The following SLIT3 variants were observed in gnomAD, a reference collection of about 807,000 sequenced individuals.
The protein encoded by SLIT3 is slit homolog 3 protein.
Under a neutral mutation model 184.0 loss-of-function variants are expected in SLIT3, and 68 were observed. The observed-to-expected ratio is 0.37, with a 90% CI of 0.30 to 0.45. SLIT3 has a LOEUF of 0.45. Ranked by LOEUF, SLIT3 falls within the 20% of genes least tolerant of loss-of-function variation. SLIT3 has a pLI of 1.00. For missense variants in SLIT3, 1,707 were observed against 2,026.0 expected, an observed-to-expected ratio of 0.84 and a Z score of 3.02; for synonymous variants, 831 against 828.6, an observed-to-expected ratio of 1.00 and a Z score of -0.05.
At chr5:169,272,106 G>A (rs1203401955) in intron 1 of SLIT3, among the ~76,000 whole-genome samples, 2 of 152,232 alleles carry the variant, frequency 1.3e-5, no homozygotes, top group African/African-American at 2.4e-5. Flanking sequence ...GGGGGCTGGG[G>A]ATCTGACTTC....
chr5:168,801,489 C>T (rs961193919), intron 9 of SLIT3, among the ~76,000 whole-genome samples: 1 of 152,170 alleles, frequency 6.6e-6, no homozygotes, highest in African/African-American at 2.4e-5. Flanking sequence ...GACACGGAAG[C>T]CTGTCCATAG....
chr5:168,837,166 C>A (rs1382957149), intron 6 of SLIT3, among the ~76,000 whole-genome samples: 1 of 152,088 alleles, frequency 6.6e-6, no homozygotes, highest in Non-Finnish European at 1.5e-5. Context: ...CAGATGCTTT[C>A]TATAGAGTGC....
intron 5 of SLIT3, among the ~76,000 whole-genome samples, chr5:168,850,043 G>A (rs146145437): frequency 0.012 from 1,894 of 152,066 alleles, 19 homozygotes; most frequent in Non-Finnish European, 0.02. Context: ...AGAAGCATTT[G>A]TCTGCTGCTA....
intron 4 of SLIT3, among the ~76,000 whole-genome samples, chr5:169,177,035 C>T (rs934702862): frequency 2.0e-5 from 3 of 152,204 alleles, no homozygotes; most frequent in East Asian, 3.9e-4. Context: ...GTAATTACAT[C>T]GACTTCCACC....
chr5:168,891,130 G>A lies in SLIT3; in HGVS notation c.414-7794C>T, dbSNP rs113335789. ...TCCTATCTTCATGTTCTAGCATGAA[G>A]TTCACAAATATAGCATCCTACTACC... On this transcript the variant is annotated intron_variant, in intron 4 of 35. Coordinates refer to ENST00000519560, the MANE Select transcript of SLIT3 (RefSeq NM_003062.4). 6.1e-3 allele frequency among the ~76,000 whole-genome samples: 927 copies of A among 152,284 alleles called. 2 individuals are homozygous for A. Among genetic ancestry groups the A allele is most frequent in the Non-Finnish European group, 8.8e-3 (598 of 68,026 alleles).
chr5:168,987,298 C>G (rs181150771), intron 4 of SLIT3, among the ~76,000 whole-genome samples: 1 of 152,298 alleles, frequency 6.6e-6, no homozygotes, highest in Admixed American at 6.5e-5. Flanking sequence ...CCAAGTTAAT[C>G]TCTCCCACAT....
intron 6 of SLIT3, among the ~76,000 whole-genome samples, chr5:168,823,833 A>G (rs1757614069): frequency 6.6e-6 from 1 of 152,220 alleles, no homozygotes; most frequent in Non-Finnish European, 1.5e-5. Flanking sequence ...ATCTGAGTCC[A>G]GCACTACCTT....
At chr5:168,829,238 G>T (rs1757804390) in intron 6 of SLIT3, among the ~76,000 whole-genome samples, 1 of 152,216 alleles carries the variant, frequency 6.6e-6, no homozygotes, top group Non-Finnish European at 1.5e-5. Context: ...GGCTCTGGTT[G>T]TAATCTGCGT....
In SLIT3 at chr5:168,749,811, T is replaced by C. The variant is rs575642599; in HGVS notation, c.1974-176A>G. 9.2e-5 allele frequency among the ~76,000 whole-genome samples: 14 copies of C among 152,292 alleles called. No individual in the cohort carries two copies. The Middle Eastern group carries it at 0.01, about 111-fold the overall frequency. Reference sequence around the variant, plus strand: ...TCTCATTCCAGACCCTCGCCTCTGATGGATGTGGCTGTGGTGTCTCGCCAT... The same window carrying C: ...TCTCATTCCAGACCCTCGCCTCTGACGGATGTGGCTGTGGTGTCTCGCCAT... On this transcript the variant is annotated intron_variant, in intron 18 of 35. Coordinates refer to ENST00000519560, the MANE Select transcript of SLIT3 (RefSeq NM_003062.4).
At position 168,738,937 on chromosome 5, in the gene SLIT3, C is replaced by CAAAAAAAAAAAAA. The variant is rs34133933; in HGVS notation, c.2270+9352_2270+9364dup. Among the ~76,000 whole-genome samples the CAAAAAAAAAAAAA allele has an allele frequency of 5.9e-5, 5 of 84,308 alleles. 1 individual carries two copies. Among genetic ancestry groups the CAAAAAAAAAAAAA allele is most frequent in the African/African-American group, 1.5e-4 (3 of 20,088 alleles). 55.3% of individuals were successfully genotyped at this position (84,308 alleles called of 152,430 possible). A position where few individuals can be genotyped will look rare whatever the true frequency, so the allele number is the denominator to read the frequency against. On this transcript the variant is annotated intron_variant, in intron 20 of 35. Coordinates refer to ENST00000519560, the MANE Select transcript of SLIT3 (RefSeq NM_003062.4). ...TGGGTGAAAGAGCAAGACTCCATCT[C>CAAAAAAAAAAAAA]AAAAAAAAAAAAAAAAAAAAGCAGC...
intron 4 of SLIT3, among the ~76,000 whole-genome samples, chr5:168,941,721 T>C (rs969275794): frequency 2.0e-5 from 3 of 152,204 alleles, no homozygotes; most frequent in Non-Finnish European, 4.4e-5. Context: ...GGGTGCAGAA[T>C]CTGGAGTTGG....
chr5:169,020,980 TA>T (rs1756576237), intron 4 of SLIT3, among the ~76,000 whole-genome samples: 1 of 152,186 alleles, frequency 6.6e-6, no homozygotes, highest in Admixed American at 6.5e-5. Context: ...GTTAGAGTCC[TA>T]TAGAAGACTA....
At chr5:169,271,556 G>A (rs749921180) in intron 1 of SLIT3, among the ~76,000 whole-genome samples, 23 of 152,220 alleles carry the variant, frequency 1.5e-4, no homozygotes, top group Non-Finnish European at 2.6e-4. Flanking sequence ...CAGGAAGGAG[G>A]CAGGGGCTTT....
intron 7 of SLIT3, among the ~76,000 whole-genome samples, chr5:168,822,718 A>T (rs780621885): frequency 4.6e-5 from 7 of 152,188 alleles, no homozygotes; most frequent in Non-Finnish European, 1.0e-4. Flanking sequence ...AGTATGAGAA[A>T]GACGGCATTC....
chr5:168,677,719 G>T (rs530756844), intron 32 of SLIT3, among the ~76,000 whole-genome samples: 1 of 152,198 alleles, frequency 6.6e-6, no homozygotes, highest in Admixed American at 6.5e-5. Flanking sequence ...AAAGTGTTGG[G>T]ATTATAGGCG....
intron 3 of SLIT3, among the ~76,000 whole-genome samples, chr5:169,198,890 C>T (rs1763822808): frequency 6.6e-6 from 1 of 151,774 alleles, no homozygotes; most frequent in South Asian, 2.1e-4. Flanking sequence ...TGAGATCACA[C>T]CACTGCAAGC....
At chr5:169,157,240 G>A (rs577873426) in intron 4 of SLIT3, among the ~76,000 whole-genome samples, 42 of 151,046 alleles carry the variant, frequency 2.8e-4, no homozygotes, top group Non-Finnish European at 4.6e-4. Context: ...CAGATAAAAG[G>A]TACCCCTCCC....
intron 4 of SLIT3, among the ~76,000 whole-genome samples, chr5:169,183,807 T>A (rs1763245746): frequency 6.6e-6 from 1 of 152,198 alleles, no homozygotes; most frequent in African/African-American, 2.4e-5. Context: ...CCCCCATATA[T>A]CCCTTCCAGT....
At chr5:169,220,595 C>G (rs534559829) in intron 3 of SLIT3, among the ~76,000 whole-genome samples, 1 of 152,024 alleles carries the variant, frequency 6.6e-6, no homozygotes, top group Admixed American at 6.6e-5. Context: ...AAAAGACAGA[C>G]GACAATAGCT....
Sources: allele counts gnomAD v4.1 joint callset (sites outside exome capture counted in the v4.1 genomes callset), GRCh38; gene constraint gnomAD v4.1.1; transcripts MANE v1.5; gene names NCBI Gene and HGNC (gene_info 2026-07-23, HGNC 2026-07-21).